TNNI3K: variants seen among roughly 807,000 people sequenced by gnomAD.
TNNI3K encodes the protein serine/threonine-protein kinase TNNI3K.
Under a neutral mutation model 114.5 loss-of-function variants are expected in TNNI3K, and 140 were observed. The ratio of observed to expected loss-of-function variants is 1.22; its 90% confidence interval spans 1.07 to 1.41. TNNI3K has a LOEUF of 1.41. Ranked by LOEUF, TNNI3K falls within the 40% of genes most tolerant of loss-of-function variation. The pLI, the probability that TNNI3K is intolerant of heterozygous loss-of-function variation, is 0.00. For missense variants in TNNI3K, 1,125 were observed against 1,007.6 expected (o/e 1.12, Z -1.58); for synonymous variants, 347 against 347.5 (o/e 1.00, Z 0.02).
At chr1:74,256,177 A>G (rs1655283255) in intron 4 of TNNI3K, among the ~76,000 whole-genome samples, 1 of 152,040 alleles carries the variant, frequency 6.6e-6, no homozygotes, top group African/African-American at 2.4e-5. Context: ...TTTATGAGAA[A>G]CTAACAAACT....
intron 5 of TNNI3K, among the ~76,000 whole-genome samples, chr1:74,281,236 A>C (rs1177413250): frequency 6.6e-6 from 1 of 151,992 alleles, no homozygotes; most frequent in Non-Finnish European, 1.5e-5. Flanking sequence ...TTCAGGTGTG[A>C]CCCAGCGCAG....
intron 17 of TNNI3K, among the ~76,000 whole-genome samples, chr1:74,427,776 C>T (rs1232744826): frequency 6.6e-6 from 1 of 151,998 alleles, no homozygotes; most frequent in Non-Finnish European, 1.5e-5. Context: ...ATGACTGTAA[C>T]CATACATAGA....
intron 17 of TNNI3K, among the ~76,000 whole-genome samples, chr1:74,404,342 T>C (rs940233614): frequency 6.6e-6 from 1 of 152,176 alleles, no homozygotes; most frequent in Admixed American, 6.6e-5. Context: ...TATCTCTTCT[T>C]GCCCGTTTAA....
intron 5 of TNNI3K, among the ~76,000 whole-genome samples, chr1:74,317,419 A>C (rs1659374775): frequency 6.6e-6 from 1 of 152,232 alleles, no homozygotes; most frequent in Admixed American, 6.5e-5. Context: ...AAGGTAGGTA[A>C]AATTATTATT....
chr1:74,359,615 T>C (rs1661847069), intron 11 of TNNI3K, among the ~76,000 whole-genome samples: 1 of 152,014 alleles, frequency 6.6e-6, no homozygotes, highest in African/African-American at 2.4e-5. Context: ...AAATAACTAA[T>C]CAAAATATTA....
At chr1:74,309,609 C>T (rs1234846643) in intron 5 of TNNI3K, among the ~76,000 whole-genome samples, 2 of 151,874 alleles carry the variant, frequency 1.3e-5, no homozygotes, top group Non-Finnish European at 2.9e-5. Flanking sequence ...GATAAATCAC[C>T]ACAACAAAAT....
intron 17 of TNNI3K, among the ~76,000 whole-genome samples, chr1:74,392,641 C>T (rs147166580): frequency 4.8e-4 from 73 of 152,322 alleles, no homozygotes; most frequent in Middle Eastern, 3.4e-3. Context: ...TGTTTACTCA[C>T]TTGGTTGACT....
intron 9 of TNNI3K, among the ~76,000 whole-genome samples, chr1:74,343,925 C>T (rs1231889596): frequency 2.6e-5 from 4 of 152,142 alleles, no homozygotes; most frequent in Non-Finnish European, 5.9e-5. Flanking sequence ...AACTATTTTG[C>T]TAAAACAGTA....
Position 74,369,594 on chromosome 1 carries a change from C to A in TNNI3K, c.1667+9C>A, listed in dbSNP as rs1419859414. The A allele has an allele frequency of 1.9e-6, 3 of 1,590,120 alleles. No individual in the cohort carries two copies. Among genetic ancestry groups the A allele is most frequent in the Non-Finnish European group, 2.6e-6 (3 of 1,170,010 alleles). Reference sequence around the variant, plus strand: ...CTTCATGAGCAGAAGAGGTATGGGTCTTTTGTTCTGATTTATCCTTGGACA... The same window carrying A: ...CTTCATGAGCAGAAGAGGTATGGGTATTTTGTTCTGATTTATCCTTGGACA... On this transcript the variant is annotated intron_variant, in intron 16 of 24. Transcript: ENST00000326637.
At chr1:74,436,897 C>A (rs1223654551) in intron 19 of TNNI3K, among the ~76,000 whole-genome samples, 1 of 152,048 alleles carries the variant, frequency 6.6e-6, no homozygotes, top group East Asian at 1.9e-4. Flanking sequence ...CATCTATTAA[C>A]TATTCATCGT....
intron 21 of TNNI3K, among the ~76,000 whole-genome samples, chr1:74,472,555 A>C (rs1209448620): frequency 1.3e-5 from 2 of 152,080 alleles, no homozygotes; most frequent in African/African-American, 4.8e-5. Flanking sequence ...TTTTTCCTGA[A>C]TTCATTTCCC....
chr1:74,336,224 G>GA, intron 7 of TNNI3K, 75 bp downstream of exon 7: 1 of 1,500,326 alleles, frequency 6.7e-7, no homozygotes, highest in Non-Finnish European at 8.8e-7. Context: ...TCTCTTACTA[G>GA]AGAATAATCT....
At chr1:74,392,004 C>G (rs527742923) in intron 17 of TNNI3K, among the ~76,000 whole-genome samples, 56 of 119,056 alleles carry the variant, frequency 4.7e-4, no homozygotes, top group African/African-American at 1.8e-3. Flanking sequence ...CTCGCTCTGT[C>G]GCCCAGGCTG....
At chr1:74,435,356 C>T (rs1666075194) in intron 17 of TNNI3K, among the ~76,000 whole-genome samples, 1 of 152,020 alleles carries the variant, frequency 6.6e-6, no homozygotes, top group African/African-American at 2.4e-5. Flanking sequence ...CATATGTATA[C>T]ATTGTGAAAT....
At chr1:74,441,041 A>G (rs1306235494) in intron 20 of TNNI3K, among the ~76,000 whole-genome samples, 2 of 152,118 alleles carry the variant, frequency 1.3e-5, no homozygotes, top group East Asian at 3.9e-4. Context: ...AGCCCAAGCC[A>G]TCTTTCCTTT....
chr1:74,460,214 C>T (rs1443809166), intron 20 of TNNI3K, among the ~76,000 whole-genome samples: 1 of 151,972 alleles, frequency 6.6e-6, no homozygotes, highest in Admixed American at 6.6e-5. Flanking sequence ...ACTACAGGCG[C>T]CAGCCACCAC....
intron 2 of TNNI3K, among the ~76,000 whole-genome samples, chr1:74,249,148 T>G (rs2100844668): frequency 6.6e-6 from 1 of 151,880 alleles, no homozygotes; most frequent in Non-Finnish European, 1.5e-5. Context: ...CTGACCTTGG[T>G]TTTACTTGTC....
chr1:74,451,696 TTTCTTTC>T (rs1171548489), intron 20 of TNNI3K, among the ~76,000 whole-genome samples: 1,992 of 73,484 alleles, frequency 0.027, 17 homozygotes, highest in Non-Finnish European at 0.034. Flanking sequence ...TCTTTCTTTC[TTTCTTTC>T]TTTCTTTCTT....
At chr1:74,494,815 A>G (rs2100316533) in intron 23 of TNNI3K, among the ~76,000 whole-genome samples, 1 of 152,328 alleles carries the variant, frequency 6.6e-6, no homozygotes, top group East Asian at 1.9e-4. Flanking sequence ...GAGAGGTACT[A>G]TTGTCATAGC....
Sources: allele counts gnomAD v4.1 joint callset (sites outside exome capture counted in the v4.1 genomes callset), GRCh38; gene constraint gnomAD v4.1.1; transcripts MANE v1.5; gene names NCBI Gene and HGNC (gene_info 2026-07-23, HGNC 2026-07-21).